HS6ST3: variants seen among roughly 807,000 people sequenced by gnomAD.
HS6ST3 encodes the protein heparan sulfate 6-O-sulfotransferase 3, also known as heparan-sulfate 6-O-sulfotransferase 3.
Under a neutral mutation model 36.7 loss-of-function variants are expected in HS6ST3, and 12 were observed. That is an observed-to-expected ratio of 0.33 (90% confidence interval 0.21 to 0.53). HS6ST3 has a LOEUF of 0.53. Ranked by LOEUF, HS6ST3 falls within the 20% of genes least tolerant of loss-of-function variation. The probability of loss-of-function intolerance (pLI) is 0.95; values close to 1 mark genes in which losing one functional copy is unlikely to be tolerated. For missense variants in HS6ST3, 584 were observed against 640.9 expected, an observed-to-expected ratio of 0.91 and a Z score of 0.96; for synonymous variants, 240 against 257.5, an observed-to-expected ratio of 0.93 and a Z score of 0.65.
chr13:96,143,804 G>C (rs1298460760), intron 1 of HS6ST3, among the ~76,000 whole-genome samples: 1 of 152,038 alleles, frequency 6.6e-6, no homozygotes, highest in Non-Finnish European at 1.5e-5. Context: ...TCTACCTTCT[G>C]TTCATATCAG....
intron 1 of HS6ST3, among the ~76,000 whole-genome samples, chr13:96,397,266 G>A (rs2055426902): frequency 6.6e-6 from 1 of 152,002 alleles, no homozygotes; most frequent in Non-Finnish European, 1.5e-5. Context: ...TACAATATAG[G>A]TATATACTTT....
chr13:96,684,384 A>G (rs913324524), intron 1 of HS6ST3, among the ~76,000 whole-genome samples: 11 of 152,090 alleles, frequency 7.2e-5, no homozygotes, highest in Non-Finnish European at 1.5e-4. Context: ...TAACTTAAAC[A>G]TTAGTGTTAA....
chr13:96,170,341 G>T (rs2054181737), intron 1 of HS6ST3, among the ~76,000 whole-genome samples: 1 of 152,172 alleles, frequency 6.6e-6, no homozygotes, highest in Non-Finnish European at 1.5e-5. Context: ...GTTAATAAGT[G>T]GTCATGCTAG....
At chr13:96,565,603 G>T (rs1046935421) in intron 1 of HS6ST3, among the ~76,000 whole-genome samples, 10 of 152,246 alleles carry the variant, frequency 6.6e-5, no homozygotes, top group Non-Finnish European at 1.0e-4. Flanking sequence ...TTTAAAATCT[G>T]AATTAAAGGA....
chr13:96,351,320 CTT>C lies in HS6ST3; in HGVS notation c.707+259765_707+259766del, dbSNP rs11348541. Reference sequence around the variant, plus strand: ...TCCCCAAACTGGGGAAGGTGGCAGTCTTTTTTTTTTTTTTTAAAAAAAACAAG... The same window carrying C: ...TCCCCAAACTGGGGAAGGTGGCAGTCTTTTTTTTTTTTTAAAAAAAACAAG... On this transcript the variant is annotated intron_variant, in intron 1 of 1. Transcript: ENST00000376705. 9.4e-4 allele frequency among the ~76,000 whole-genome samples: 134 copies of C among 143,080 alleles called. 1 individual carries two copies. The highest frequency in any genetic ancestry group is 5.5e-3 in the East Asian group (27 of 4,920). 93.9% of individuals were successfully genotyped at this position (143,080 alleles called of 152,430 possible).
intron 1 of HS6ST3, among the ~76,000 whole-genome samples, chr13:96,343,062 G>A (rs1223186553): frequency 2.6e-5 from 4 of 152,090 alleles, no homozygotes; most frequent in African/African-American, 9.7e-5. Flanking sequence ...TCATCGGAAG[G>A]GAATTGCATA....
intron 1 of HS6ST3, among the ~76,000 whole-genome samples, chr13:96,332,861 A>G (rs997462118): frequency 2.0e-5 from 3 of 152,202 alleles, no homozygotes; most frequent in African/African-American, 7.2e-5. Context: ...TTAATCACCA[A>G]TGTGATGGTA....
chr13:96,809,767 G>T (rs1566459183), intron 1 of HS6ST3, among the ~76,000 whole-genome samples: 1 of 152,228 alleles, frequency 6.6e-6, no homozygotes, highest in Non-Finnish European at 1.5e-5. Context: ...CAGCCAGACA[G>T]ACCTGGATTT....
At chr13:96,441,036 A>C (rs1344665101) in intron 1 of HS6ST3, among the ~76,000 whole-genome samples, 4 of 152,226 alleles carry the variant, frequency 2.6e-5, no homozygotes, top group Admixed American at 6.5e-5. Flanking sequence ...TGGGATTAGC[A>C]GCCTTATAAA....
At chr13:96,462,023 T>G (rs563065825) in intron 1 of HS6ST3, among the ~76,000 whole-genome samples, 1 of 152,286 alleles carries the variant, frequency 6.6e-6, no homozygotes, top group Admixed American at 6.5e-5. Flanking sequence ...ATTAAGAAAT[T>G]GATTACTATG....
intron 1 of HS6ST3, among the ~76,000 whole-genome samples, chr13:96,181,873 C>T (rs906527785): frequency 2.6e-5 from 4 of 152,180 alleles, no homozygotes; most frequent in African/African-American, 7.2e-5. Flanking sequence ...TCTCCCCCCA[C>T]TGCAGGATAT....
At chr13:96,169,542 T>G (rs994688162) in intron 1 of HS6ST3, 1 of 151,920 alleles carries the variant, frequency 6.6e-6, no homozygotes, top group Non-Finnish European at 1.5e-5. Flanking sequence ...TTTGCAACCA[T>G]GAGCCCTCAA....
chr13:96,734,285 T>A (rs1876229162), intron 1 of HS6ST3, among the ~76,000 whole-genome samples: 1 of 152,132 alleles, frequency 6.6e-6, no homozygotes. Flanking sequence ...TAAAGAAAAA[T>A]CATTTGCTCC....
intron 1 of HS6ST3, among the ~76,000 whole-genome samples, chr13:96,195,170 T>C (rs1446484865): frequency 6.6e-6 from 1 of 152,282 alleles, no homozygotes; most frequent in East Asian, 1.9e-4. Flanking sequence ...ATGTCAAAAC[T>C]AAAACGGGAA....
chr13:96,151,131 C>T (rs2054082896), intron 1 of HS6ST3, among the ~76,000 whole-genome samples: 1 of 152,098 alleles, frequency 6.6e-6, no homozygotes, highest in South Asian at 2.1e-4. Context: ...ACGCTGGGCA[C>T]CAGGGCTCAT....
intron 1 of HS6ST3, among the ~76,000 whole-genome samples, chr13:96,539,207 C>T (rs2056168000): frequency 6.6e-6 from 1 of 152,158 alleles, no homozygotes; most frequent in Non-Finnish European, 1.5e-5. Flanking sequence ...TTAGAAAACA[C>T]TTTCTGTCAG....
chr13:96,255,019 G>C (rs1021284267), intron 1 of HS6ST3, among the ~76,000 whole-genome samples: 1 of 152,212 alleles, frequency 6.6e-6, no homozygotes, highest in Non-Finnish European at 1.5e-5. Flanking sequence ...AGTAAATGGT[G>C]AAAGTTAGGT....
intron 1 of HS6ST3, among the ~76,000 whole-genome samples, chr13:96,711,533 C>T (rs985506487): frequency 6.6e-6 from 1 of 151,978 alleles, no homozygotes; most frequent in Non-Finnish European, 1.5e-5. Flanking sequence ...ATACAATGAC[C>T]CACGTCTTTG....
intron 1 of HS6ST3, among the ~76,000 whole-genome samples, chr13:96,540,937 A>G (rs2056175093): frequency 6.6e-6 from 1 of 152,194 alleles, no homozygotes; most frequent in African/African-American, 2.4e-5. Context: ...CTATGCGCAG[A>G]TATATGTCAG....
Sources: allele counts gnomAD v4.1 joint callset (sites outside exome capture counted in the v4.1 genomes callset), GRCh38; gene constraint gnomAD v4.1.1; transcripts MANE v1.5; gene names NCBI Gene and HGNC (gene_info 2026-07-23, HGNC 2026-07-21).